The following PDE2A variants were observed in gnomAD, a reference collection of about 807,000 sequenced individuals.
PDE2A encodes cGMP-dependent 3',5'-cyclic phosphodiesterase.
PDE2A carries 53 observed loss-of-function variants against 133.6 expected under a neutral mutation model. The observed-to-expected ratio is 0.40, with a 90% CI of 0.32 to 0.50. The LOEUF is 0.50. Among genes scored for constraint, PDE2A ranks in the 20% least tolerant of loss-of-function variants. The pLI, the probability that PDE2A is intolerant of heterozygous loss-of-function variation, is 0.73. For missense variants in PDE2A, 796 were observed against 1,232.4 expected, an observed-to-expected ratio of 0.65 and a Z score of 5.30; for synonymous variants, 491 against 490.2, an observed-to-expected ratio of 1.00 and a Z score of -0.02.
chr11:72,612,399 T>C (rs1327700768), intron 2 of PDE2A, among the ~76,000 whole-genome samples: 1 of 152,002 alleles, frequency 6.6e-6, no homozygotes, highest in Admixed American at 6.5e-5. Flanking sequence ...TCAGTATAGA[T>C]ATCAGCATAA....
At chr11:72,631,711 C>T (rs1016833458) in intron 2 of PDE2A, among the ~76,000 whole-genome samples, 1 of 152,040 alleles carries the variant, frequency 6.6e-6, no homozygotes, top group African/African-American at 2.4e-5. Flanking sequence ...AGCACCACTT[C>T]CACAGTTCCC....
At chr11:72,668,448 C>T (rs944127421) in intron 1 of PDE2A, 4 of 714,248 alleles carry the variant, frequency 5.6e-6, no homozygotes, top group Non-Finnish European at 1.0e-5. Context: ...TGTGAGAAGT[C>T]GTAATTATGG....
In PDE2A at chr11:72,581,484, G is replaced by A. The variant is rs1855723672; in HGVS notation, c.1923-5C>T. On this transcript the variant is annotated splice_polypyrimidine_tract_variant and splice_region_variant and intron_variant, in intron 22 of 30. Coordinates refer to ENST00000334456, the MANE Select transcript of PDE2A (RefSeq NM_002599.5). ...TTCTTCACCATCAAACAGAACCTGG[G>A]GGAGGGAAGAGGGCAGAAGAGGGGC... 6.3e-7 allele frequency: 1 copy of A among 1,589,650 alleles called. No homozygotes were observed. Among genetic ancestry groups the A allele is most frequent in the East Asian group, 2.3e-5 (1 of 44,242 alleles).
chr11:72,651,494 G>A (rs1052807664), intron 1 of PDE2A, among the ~76,000 whole-genome samples: 5 of 152,158 alleles, frequency 3.3e-5, no homozygotes, highest in African/African-American at 1.2e-4. Flanking sequence ...CCAGGGTCTG[G>A]GGGGGTGACT....
chr11:72,664,121 A>G (rs997322207), intron 1 of PDE2A, among the ~76,000 whole-genome samples: 11 of 152,114 alleles, frequency 7.2e-5, no homozygotes, highest in African/African-American at 2.7e-4. Flanking sequence ...CTGCAGCCAC[A>G]GCTCCTGCAG....
intron 4 of PDE2A, among the ~76,000 whole-genome samples, chr11:72,601,004 G>A (rs1856717225): frequency 6.6e-6 from 1 of 151,188 alleles, no homozygotes; most frequent in South Asian, 2.1e-4. Flanking sequence ...CTGAGCCCCT[G>A]TGTGTGTCCT....
chr11:72,586,252 GTTCC>G, intron 13 of PDE2A, 71 bp from the exon 14 acceptor site: 6 of 932,888 alleles, frequency 6.4e-6, no homozygotes, highest in Non-Finnish European at 5.2e-6. Flanking sequence ...CCTTACTTCT[GTTCC>G]ATCAGAAGCC....
chr11:72,577,272 A>G lies in PDE2A; in HGVS notation c.*112T>C. On this transcript the variant is annotated 3_prime_UTR_variant, in exon 31 of 31. Transcript: ENST00000334456. ...AGGTAGTACTTGTCCAGGGTCACAC[A>G]GGAAGTCCTGGTCTAGGACCCAGGA... 1.4e-6 allele frequency: 1 copy of G among 727,902 alleles called. No individual in the cohort carries two copies. Among genetic ancestry groups the G allele is most frequent in the Non-Finnish European group, 2.3e-6 (1 of 438,288 alleles). The allele number at this position is 727,902 out of a possible 1,614,324, so 45.1% of individuals were successfully genotyped here.
chr11:72,635,954 C>A, intron 2 of PDE2A: 2 of 1,193,374 alleles, frequency 1.7e-6, no homozygotes, highest in Non-Finnish European at 2.2e-6. Context: ...TCCCCCTCCA[C>A]ACCACGAGAT....
intron 3 of PDE2A, among the ~76,000 whole-genome samples, chr11:72,606,920 C>A (rs1591060428): frequency 6.6e-6 from 1 of 152,140 alleles, no homozygotes; most frequent in Admixed American, 6.5e-5. Flanking sequence ...AGGAGGGAAC[C>A]ATTTCAGACA....
intron 1 of PDE2A, among the ~76,000 whole-genome samples, chr11:72,663,988 G>A (rs1474643158): frequency 6.6e-6 from 1 of 152,182 alleles, no homozygotes; most frequent in Non-Finnish European, 1.5e-5. Flanking sequence ...TTGCCCCCTG[G>A]CATCCAGAGA....
Position 72,633,205 on chromosome 11 carries a change from T to C in PDE2A, c.144+9049A>G, listed in dbSNP as rs542946914. ...AGGACCCTAGTCCAGGCCAGGGCTG[T>C]GTCCAAGCCACCAGCCAGGGAGGTC... On this transcript the variant is annotated intron_variant, in intron 2 of 30. Coordinates refer to ENST00000334456, the MANE Select transcript of PDE2A (RefSeq NM_002599.5). Among the ~76,000 whole-genome samples the C allele has an allele frequency of 2.1e-5, 3 of 141,008 alleles. No homozygotes were observed. The East Asian group carries it at 6.1e-4, about 29-fold the overall frequency. 92.5% of individuals were successfully genotyped at this position (141,008 alleles called of 152,430 possible). A position where few individuals can be genotyped will look rare whatever the true frequency, so the allele number is the denominator to read the frequency against.
At chr11:72,626,600 CTATGCTCG>C (rs1472925024) in intron 2 of PDE2A, among the ~76,000 whole-genome samples, 3 of 152,212 alleles carry the variant, frequency 2.0e-5, no homozygotes, top group Non-Finnish European at 4.4e-5. Context: ...TGCTGGTAAG[CTATGCTCG>C]TATACTCGGA....
chr11:72,623,945 G>A lies in PDE2A; in HGVS notation c.145-15194C>T, dbSNP rs1365141307. ...TAACTTATCTCCCCTCCCCTGCCAC[G>A]CACCATGCACACTCGCACACATACA... On this transcript the variant is annotated intron_variant, in intron 2 of 30. Transcript: ENST00000334456. Among the ~76,000 whole-genome samples, 10 of 150,532 alleles carry A rather than the reference G, an allele frequency of 6.6e-5. No individual in the cohort carries two copies. In the South Asian group the frequency reaches 1.3e-3, roughly 19 times the overall value.
intron 2 of PDE2A, among the ~76,000 whole-genome samples, chr11:72,624,946 C>A (rs1166643400): frequency 6.6e-6 from 1 of 152,224 alleles, no homozygotes; most frequent in Non-Finnish European, 1.5e-5. Context: ...TCTCAGTGTC[C>A]CTCTTGGCAT....
At chr11:72,592,981 T>C (rs1856319169) in intron 6 of PDE2A, among the ~76,000 whole-genome samples, 1 of 152,040 alleles carries the variant, frequency 6.6e-6, no homozygotes, top group Admixed American at 6.6e-5. Context: ...GAGGACGTGG[T>C]TCTTGTTCCT....
Position 72,597,737 on chromosome 11 carries a change from C to T in PDE2A, c.324-118G>A, listed in dbSNP as rs79879911. On this transcript the variant is annotated intron_variant, in intron 4 of 30. Transcript: ENST00000334456. This position sits in a 1 kb window ranked among gnomAD's most constrained non-coding sequence, Gnocchi z 4.6. ...ATGTGCAAGGATCTGGGCAAGCTGACCTGCCTCAGGTTGGACACGATGACA... is the reference window on the plus strand; with the variant it reads ...ATGTGCAAGGATCTGGGCAAGCTGATCTGCCTCAGGTTGGACACGATGACA... The T allele has an allele frequency of 0.034, 22,524 of 659,670 alleles. 537 individuals are homozygous for T. Among genetic ancestry groups the T allele is most frequent in the Non-Finnish European group, 0.047 (17,656 of 377,328 alleles). The allele number at this position is 659,670 out of a possible 1,614,324, so 40.9% of individuals were successfully genotyped here.
rs1221646352 is a variant in PDE2A, at chr11:72,607,961, A to G, written c.234+701T>C. Among the ~76,000 whole-genome samples the G allele has an allele frequency of 3.3e-5, 5 of 152,074 alleles. No individual in the cohort carries two copies. In the East Asian group the frequency reaches 9.6e-4, roughly 29 times the overall value. ...TAACACCCTGCTACTTTGGGCCTCA[A>G]GGGCTGGTTTACCCATCCTCCTGCC... On this transcript the variant is annotated intron_variant, in intron 3 of 30. Transcript: ENST00000334456.
intron 2 of PDE2A, among the ~76,000 whole-genome samples, 186 bp from the exon 3 acceptor site, chr11:72,608,937 T>A (rs920536023): frequency 2.6e-5 from 4 of 152,130 alleles, no homozygotes; most frequent in African/African-American, 4.8e-5. Flanking sequence ...CCAAGTACCC[T>A]CATCTTACAG....
Sources: allele counts gnomAD v4.1 joint callset (sites outside exome capture counted in the v4.1 genomes callset), GRCh38; gene constraint gnomAD v4.1.1; non-coding constraint Gnocchi (gnomAD v3.1); transcripts MANE v1.5; gene names NCBI Gene and HGNC (gene_info 2026-07-23, HGNC 2026-07-21).